BTD: variants seen among roughly 807,000 people sequenced by gnomAD.
BTD encodes biocytinase.
Under a neutral mutation model 17.7 loss-of-function variants are expected in BTD, and 13 were observed. The observed-to-expected ratio is 0.74, with a 90% CI of 0.48 to 1.17. BTD has a LOEUF of 1.17. Among genes scored for constraint, BTD ranks in the 50% most tolerant of loss-of-function variants. The probability of loss-of-function intolerance (pLI) is 0.00; values close to 1 mark genes in which losing one functional copy is unlikely to be tolerated. For synonymous variants in BTD, 240 were observed against 245.2 expected, an observed-to-expected ratio of 0.98 and a Z score of 0.20; for missense variants, 674 against 650.4, an observed-to-expected ratio of 1.04 and a Z score of -0.39.
intron 1 of BTD, among the ~76,000 whole-genome samples, chr3:15,626,780 CA>C (rs374875165): frequency 2.1e-3 from 201 of 95,020 alleles, no homozygotes; most frequent in Non-Finnish European, 2.4e-3. Context: ...GACCCTGTCT[CA>C]AAAAAAAAAA....
intron 3 of BTD, among the ~76,000 whole-genome samples, chr3:15,643,828 G>A (rs1278812473): frequency 7.6e-5 from 11 of 144,458 alleles, no homozygotes; most frequent in Non-Finnish European, 1.0e-4. Flanking sequence ...AGGCTGAGAC[G>A]AGAGGATTGC....
At chr3:15,613,299 A>G (rs530020808) in intron 1 of BTD, among the ~76,000 whole-genome samples, 70 of 152,146 alleles carry the variant, frequency 4.6e-4, no homozygotes, top group Admixed American at 1.2e-3. Context: ...CTCCCTGTCT[A>G]TCATTTTCTG....
intron 3 of BTD, among the ~76,000 whole-genome samples, chr3:15,681,473 C>G (rs1001630237): frequency 2.0e-5 from 3 of 152,154 alleles, no homozygotes; most frequent in African/African-American, 7.2e-5. Context: ...ATTTAATACC[C>G]TAATTACTAC....
intron 3 of BTD, chr3:15,686,044 T>C (rs1575141927): frequency 1.2e-6 from 2 of 1,613,814 alleles, no homozygotes; most frequent in Non-Finnish European, 8.5e-7. Context: ...CTTTGGCATC[T>C]ACATTTGCTC....
intron 1 of BTD, among the ~76,000 whole-genome samples, chr3:15,604,725 C>G (rs1422608694): frequency 6.6e-6 from 1 of 152,190 alleles, no homozygotes; most frequent in Non-Finnish European, 1.5e-5. Flanking sequence ...TACCCTAAAT[C>G]ATCTCTCTCA....
At position 15,644,616 on chromosome 3, in the gene BTD, G is replaced by A. The variant is rs780017297; in HGVS notation, c.700G>A (p.Ala234Thr). The change falls in exon 4 of 4, where the codon GCC becomes ACC. Residue 234 changes from alanine (A) to threonine (T), a missense_variant. By Grantham distance (58) the Ala-to-Thr change is moderately conservative. Coordinates refer to ENST00000643237, the MANE Select transcript of BTD (RefSeq NM_001370658.1). ...TCFDILFFDP[A>T]IRVLRDYKVK... ...CTTTGATATATTGTTCTTTGACCCT[G>A]CCATCAGAGTCCTCAGAGACTACAA... The A allele has an allele frequency of 6.2e-7, 1 of 1,614,160 alleles. No individual in the cohort carries two copies. Among genetic ancestry groups the A allele is most frequent in the South Asian group, 1.1e-5 (1 of 91,086 alleles).
rs1236989104 is a variant in BTD, at chr3:15,644,803, C to A, written c.887C>A (p.Pro296His). The change falls in exon 4 of 4, where the codon CCT (proline) becomes CAT (histidine). Residue 296 changes from proline to histidine, a missense_variant. Coordinates refer to ENST00000643237, the MANE Select transcript of BTD (RefSeq NM_001370658.1). ...ATGACAGGAAGTGGCATACACACCC[C>A]TCTGGAGTCCTTTTGGTACCATGAC... ...LGMTGSGIHT[P>H]LESFWYHDME... is the part of the protein sequence containing the mutation. 1.9e-6 allele frequency: 3 copies of A among 1,614,220 alleles called. No individual in the cohort carries two copies. The South Asian group carries it at 3.3e-5, about 18-fold the overall frequency.
At chr3:15,629,443 G>A (rs573466917) in intron 1 of BTD, among the ~76,000 whole-genome samples, 2 of 152,252 alleles carry the variant, frequency 1.3e-5, no homozygotes, top group Non-Finnish European at 2.9e-5. Flanking sequence ...GCTCTGGTCT[G>A]ATCACCCAGA....
At chr3:15,685,272 T>G in intron 3 of BTD, 1 of 1,614,052 alleles carries the variant, frequency 6.2e-7, no homozygotes, top group Non-Finnish European at 8.5e-7. Context: ...GATTGTCTGC[T>G]GTGGCTGGAT....
rs182058006 is a variant in BTD at position 15,605,406 on chromosome 3, C to T, written c.-17+3512C>T. ...GATTCAGTTACCTCCCACCAGGTAC[C>T]GCTCATGATATGTAGGGATTATGGG... On this transcript the variant is annotated intron_variant, in intron 1 of 3. Transcript: ENST00000643237. Among the ~76,000 whole-genome samples the T allele has an allele frequency of 1.6e-3, 244 of 152,252 alleles. 2 individuals are homozygous for T. The highest frequency in any genetic ancestry group is 0.013 in the Admixed American group (196 of 15,294).
chr3:15,714,915 T>G (rs1419774564), downstream of BTD, among the ~76,000 whole-genome samples: 1 of 152,142 alleles, frequency 6.6e-6, no homozygotes, highest in Non-Finnish European at 1.5e-5. Flanking sequence ...AGGATGTGTC[T>G]CCCAAGTTTC....
downstream of BTD, chr3:15,714,551 CA>C (rs375073303): frequency 5.4e-4 from 599 of 1,118,072 alleles, no homozygotes; most frequent in East Asian, 1.3e-3. Flanking sequence ...AAAAAAACCC[CA>C]AAAAAAAAAC....
chr3:15,690,299 G>A, intron 3 of BTD: 1 of 1,198,022 alleles, frequency 8.3e-7, no homozygotes, highest in Non-Finnish European at 1.1e-6. Context: ...ATGTAAATAA[G>A]CAAACTTGTC....
chr3:15,675,988 G>A (rs1444842835), intron 3 of BTD: 2 of 1,610,462 alleles, frequency 1.2e-6, no homozygotes, highest in African/African-American at 1.3e-5. Context: ...ACATGCAGAG[G>A]TCTAGGGGAA....
At chr3:15,711,281 G>A in exon 4 of BTD, 2 of 1,601,920 alleles carry the variant, frequency 1.2e-6, no homozygotes, top group Non-Finnish European at 1.7e-6. Context: ...AATCCTACAA[G>A]AATGAATACA....
intron 3 of BTD, among the ~76,000 whole-genome samples, chr3:15,664,181 T>TCTGC (rs2065954869): frequency 2.0e-5 from 3 of 152,242 alleles, no homozygotes; most frequent in African/African-American, 7.2e-5. Flanking sequence ...TTACTGATTT[T>TCTGC]CTGCCTGCTG....
chr3:15,656,300 T>C (rs908688350), downstream of BTD, among the ~76,000 whole-genome samples: 1 of 152,178 alleles, frequency 6.6e-6, no homozygotes, highest in Non-Finnish European at 1.5e-5. Context: ...CTTGGTTACC[T>C]GCACCCATTG....
intron 1 of BTD, among the ~76,000 whole-genome samples, chr3:15,629,013 C>T (rs1458122637): frequency 6.6e-6 from 1 of 152,062 alleles, no homozygotes; most frequent in Non-Finnish European, 1.5e-5. Context: ...TTTAACTGAC[C>T]TGCATCAAAT....
chr3:15,713,500 G>C (rs752716647), downstream of BTD: 6 of 1,575,532 alleles, frequency 3.8e-6, no homozygotes, highest in Admixed American at 7.0e-5. Context: ...GCCTGTATCA[G>C]TTATCAACAC....
Sources: allele counts gnomAD v4.1 joint callset (sites outside exome capture counted in the v4.1 genomes callset), GRCh38; gene constraint gnomAD v4.1.1; transcripts MANE v1.5; gene names NCBI Gene and HGNC (gene_info 2026-07-23, HGNC 2026-07-21).